DPYD: variants seen among roughly 807,000 people sequenced by gnomAD.
The protein encoded by DPYD is dihydropyrimidine dehydrogenase [NADP(+)].
In DPYD, 109 loss-of-function variants were observed where a neutral mutation model predicts 116.2. The observed-to-expected ratio is 0.94, with a 90% CI of 0.80 to 1.10. The LOEUF (loss-of-function observed/expected upper bound fraction) is 1.10, where lower values mean the gene tolerates loss of function less well. Among genes scored for constraint, DPYD ranks in the 50% least tolerant of loss-of-function variants. The pLI is 0.00. For missense variants in DPYD, 1,302 were observed against 1,254.5 expected (o/e 1.04, Z -0.57); for synonymous variants, 440 against 432.0 (o/e 1.02, Z -0.23).
intron 2 of DPYD, among the ~76,000 whole-genome samples, chr1:97,873,800 T>C (rs1671774840): frequency 6.6e-6 from 1 of 151,922 alleles, no homozygotes. Flanking sequence ...TTTCAGTAAA[T>C]ATTCAATTGT....
At chr1:97,663,685 A>G (rs2100874768) in intron 8 of DPYD, among the ~76,000 whole-genome samples, 1 of 152,336 alleles carries the variant, frequency 6.6e-6, no homozygotes. Flanking sequence ...CTCAATAACT[A>G]CAGATAACTA....
chr1:97,802,047 G>A (rs1667873372), intron 3 of DPYD, among the ~76,000 whole-genome samples: 1 of 151,620 alleles, frequency 6.6e-6, no homozygotes, highest in Non-Finnish European at 1.5e-5. Context: ...TTTGTAAAGG[G>A]CACTATGTCT....
chr1:97,394,780 T>C (rs1272257338), intron 14 of DPYD, among the ~76,000 whole-genome samples: 1 of 151,802 alleles, frequency 6.6e-6, no homozygotes, highest in East Asian at 1.9e-4. Flanking sequence ...TCCAAGGAGG[T>C]AGAGTACTCC....
At chr1:97,700,342 T>C (rs191543014) in intron 5 of DPYD, 1 of 452,500 alleles carries the variant, frequency 2.2e-6, no homozygotes, top group East Asian at 7.0e-5. Context: ...GATTAATTCT[T>C]AAAGTGCATA....
At chr1:97,917,142 A>G (rs1231454944) in intron 1 of DPYD, among the ~76,000 whole-genome samples, 1 of 152,240 alleles carries the variant, frequency 6.6e-6, no homozygotes, top group East Asian at 1.9e-4. Context: ...ATATTTCCAA[A>G]AGATCTGCAG....
chr1:97,406,712 T>G (rs2101652877), intron 14 of DPYD, among the ~76,000 whole-genome samples: 1 of 152,250 alleles, frequency 6.6e-6, no homozygotes, highest in Non-Finnish European at 1.5e-5. Context: ...CTTACATGTG[T>G]AACCGGAAAC....
intron 16 of DPYD, among the ~76,000 whole-genome samples, chr1:97,328,118 G>C (rs1002849200): frequency 2.0e-5 from 3 of 152,120 alleles, no homozygotes; most frequent in Non-Finnish European, 4.4e-5. Context: ...CTCTGAGAGA[G>C]AGTAGAGTAT....
chr1:97,383,338 G>A (rs1672087467), intron 14 of DPYD, among the ~76,000 whole-genome samples: 1 of 151,996 alleles, frequency 6.6e-6, no homozygotes, highest in East Asian at 1.9e-4. Flanking sequence ...TTAGCCAGGT[G>A]TGGTGGCGTG....
chr1:97,218,461 C>A (rs1487304102), intron 19 of DPYD, among the ~76,000 whole-genome samples: 1 of 151,704 alleles, frequency 6.6e-6, no homozygotes, highest in Non-Finnish European at 1.5e-5. Context: ...TACAGAGGTT[C>A]TCAGAGCTTG....
intron 13 of DPYD, among the ~76,000 whole-genome samples, chr1:97,482,248 A>C (rs1220275624): frequency 6.6e-6 from 1 of 152,152 alleles, no homozygotes; most frequent in African/African-American, 2.4e-5. Context: ...CATTGCATTA[A>C]ACTGTCTTAT....
chr1:97,688,886 G>C (rs1381418201), intron 7 of DPYD, among the ~76,000 whole-genome samples: 2 of 151,848 alleles, frequency 1.3e-5, no homozygotes, highest in African/African-American at 4.8e-5. Flanking sequence ...TCAATGATTA[G>C]TATAATTCAA....
intron 7 of DPYD, among the ~76,000 whole-genome samples, chr1:97,685,033 AT>A (rs1454712026): frequency 6.6e-6 from 1 of 152,200 alleles, no homozygotes; most frequent in Non-Finnish European, 1.5e-5. Flanking sequence ...CCTGGCAGAG[AT>A]ACAACAAAAA....
rs1039347189 is a variant in DPYD at position 97,620,942 on chromosome 1, A to C, written c.851-25776T>G. On this transcript the variant is annotated intron_variant, in intron 8 of 22. Coordinates refer to ENST00000370192, the MANE Select transcript of DPYD (RefSeq NM_000110.4). ...TAAGAGATTTATCATGAAATAAAAA[A>C]GTTTAGCATTTCATTCAAACTCAGC... Among the ~76,000 whole-genome samples the C allele has an allele frequency of 2.0e-5, 3 of 152,182 alleles. No homozygotes were observed. In the East Asian group the frequency reaches 5.8e-4, roughly 29 times the overall value.
chr1:97,816,292 A>G (rs1013492929), intron 3 of DPYD, among the ~76,000 whole-genome samples: 6 of 152,070 alleles, frequency 3.9e-5, no homozygotes, highest in African/African-American at 1.4e-4. Flanking sequence ...AAGAGAAAAA[A>G]AAAAGAAAAT....
At chr1:97,110,742 A>G (rs1385196879) in intron 20 of DPYD, among the ~76,000 whole-genome samples, 6 of 152,084 alleles carry the variant, frequency 3.9e-5, no homozygotes, top group Admixed American at 3.3e-4. Context: ...ATTCCAAACA[A>G]TTGAAATGCT....
At chr1:97,371,753 A>G (rs1204389911) in intron 16 of DPYD, among the ~76,000 whole-genome samples, 1 of 152,248 alleles carries the variant, frequency 6.6e-6, no homozygotes, top group African/African-American at 2.4e-5. Flanking sequence ...ATAATTTACA[A>G]GAGAATATCA....
intron 5 of DPYD, among the ~76,000 whole-genome samples, chr1:97,711,163 T>TC (rs1382258054): frequency 6.6e-5 from 10 of 151,984 alleles, no homozygotes; most frequent in African/African-American, 2.4e-4. Flanking sequence ...AGGAACTGAC[T>TC]CATAAGATTA....
At chr1:97,286,047 A>C (rs1259465999) in intron 18 of DPYD, among the ~76,000 whole-genome samples, 2 of 152,198 alleles carry the variant, frequency 1.3e-5, no homozygotes, top group Non-Finnish European at 2.9e-5. Flanking sequence ...ATGATTTTGC[A>C]GTGGCTGGAA....
intron 1 of DPYD, among the ~76,000 whole-genome samples, chr1:97,915,077 T>G (rs1674149217): frequency 6.6e-6 from 1 of 152,192 alleles, no homozygotes; most frequent in Non-Finnish European, 1.5e-5. Context: ...ACAAATGCTG[T>G]CTGAAGCATT....
Sources: gnomAD v4.1 joint callset for allele counts (sites outside exome capture counted in the v4.1 genomes callset) on GRCh38, gnomAD v4.1.1 for gene constraint, MANE v1.5 for transcripts, NCBI Gene and HGNC (gene_info 2026-07-23, HGNC 2026-07-21) for gene names.